The following ABCB11 variants were observed in gnomAD, a reference collection of about 807,000 sequenced individuals.
ABCB11 encodes bile salt export pump.
ABCB11 carries 95 observed loss-of-function variants against 148.0 expected under a neutral mutation model. That is an observed-to-expected ratio of 0.64 (90% CI 0.54 to 0.76). The LOEUF (loss-of-function observed/expected upper bound fraction) is 0.76. ABCB11 is among the 30% of genes least tolerant of loss of function. ABCB11 has a pLI of 0.00. For missense variants in ABCB11, 1,523 were observed against 1,617.8 expected (o/e 0.94, Z 1.01); for synonymous variants, 591 against 555.4 (o/e 1.06, Z -0.90).
intron 19 of ABCB11, among the ~76,000 whole-genome samples, chr2:168,953,731 G>A (rs1208335156): frequency 5.3e-5 from 8 of 151,570 alleles, no homozygotes; most frequent in Admixed American, 5.3e-4. Flanking sequence ...AAGCTAAAGA[G>A]AAAAGTCAAA....
intron 21 of ABCB11, among the ~76,000 whole-genome samples, chr2:168,941,360 T>G (rs949394888): frequency 3.3e-5 from 5 of 152,008 alleles, no homozygotes; most frequent in Admixed American, 1.3e-4. Context: ...GGTCAGAATA[T>G]CCACATAAAT....
chr2:168,983,212 A>C (rs1356553980), intron 10 of ABCB11, among the ~76,000 whole-genome samples: 1 of 152,184 alleles, frequency 6.6e-6, no homozygotes, highest in African/African-American at 2.4e-5. Flanking sequence ...CTCTCCTTGT[A>C]GGCATGGAAC....
chr2:168,986,270 A>G lies in ABCB11; in HGVS notation c.923T>C (p.Leu308Pro). 2 of 1,612,598 alleles carry G rather than the reference A, an allele frequency of 1.2e-6. No homozygotes were observed. Among genetic ancestry groups the G allele is most frequent in the East Asian group, 4.5e-5 (2 of 44,846 alleles). ...AATTCCCCAACGCTGGGCGAACACA[A>G]GATTTTTCTCATACCTGTGAAGACA... ...KREVERYEKN[L>P]VFAQRWGIRK... The change falls in exon 10 of 28, where the codon CTT (leucine) becomes CCT (proline). Residue 308 changes from leucine (L) to proline (P), a missense_variant. By Grantham distance (98) the Leu-to-Pro change is moderately conservative. Coordinates refer to ENST00000650372, the MANE Select transcript of ABCB11 (RefSeq NM_003742.4).
Position 168,924,802 on chromosome 2 carries a change from T to A in ABCB11, c.3620A>T (p.Lys1207Ile), listed in dbSNP as rs1243326116. 4.3e-6 allele frequency: 7 copies of A among 1,609,992 alleles called. No individual in the cohort carries two copies. Among genetic ancestry groups the A allele is most frequent in the Non-Finnish European group, 5.9e-6 (7 of 1,178,370 alleles). The change falls in exon 27 of 28, where the codon AAA becomes ATA. Residue 1207 changes from lysine to isoleucine, a missense_variant and splice_region_variant. Physicochemically the swap from Lys to Ile is moderately radical, Grantham distance 102 (BLOSUM62 -3). Transcript: ENST00000650372. ...LHDFVMSLPE[K>I]YETNVGSQGS... ...CTGGGACCCAACGTTAGTTTCATAT[T>A]TCTGAAAAAAAGTATGATAAGTTTG...
intron 5 of ABCB11, among the ~76,000 whole-genome samples, chr2:169,000,765 A>G (rs1694846590): frequency 6.6e-6 from 1 of 152,022 alleles, no homozygotes; most frequent in Admixed American, 6.6e-5. Flanking sequence ...CAGTTTTTTT[A>G]CATTTTCATA....
At chr2:168,990,210 T>G (rs893530606) in intron 9 of ABCB11, among the ~76,000 whole-genome samples, 1 of 152,102 alleles carries the variant, frequency 6.6e-6, no homozygotes, top group Non-Finnish European at 1.5e-5. Context: ...TCTGGTAAAA[T>G]TCAGCAATGA....
intron 21 of ABCB11, among the ~76,000 whole-genome samples, chr2:168,941,600 G>A (rs1692061156): frequency 6.6e-6 from 1 of 152,038 alleles, no homozygotes; most frequent in South Asian, 2.1e-4. Flanking sequence ...TCCACTCCTG[G>A]TGAAAATGCT....
intron 20 of ABCB11, 39 bp downstream of exon 20, chr2:168,944,818 A>G (rs1220535772): frequency 6.2e-7 from 1 of 1,608,624 alleles, no homozygotes; most frequent in Non-Finnish European, 8.5e-7. Flanking sequence ...AAAAAAGGAA[A>G]AATAACTAAA....
chr2:168,939,559 C>T (rs1409544702), intron 21 of ABCB11, among the ~76,000 whole-genome samples: 1 of 151,794 alleles, frequency 6.6e-6, no homozygotes, highest in Non-Finnish European at 1.5e-5. Context: ...TTATGAAGTC[C>T]AACATGTCTA....
At chr2:169,001,484 C>T (rs530380499) in intron 5 of ABCB11, among the ~76,000 whole-genome samples, 114 of 152,158 alleles carry the variant, frequency 7.5e-4, no homozygotes, top group African/African-American at 2.5e-3. Flanking sequence ...GGGAGAGGTG[C>T]CTTACTATAG....
At chr2:168,991,024 C>A in intron 8 of ABCB11, 99 bp from the exon 9 acceptor site, 1 of 1,367,182 alleles carries the variant, frequency 7.3e-7, no homozygotes, top group South Asian at 1.4e-5. Context: ...GGGTTTAATA[C>A]AATATTAGAT....
At chr2:168,996,114 A>G (rs532536112) in intron 6 of ABCB11, among the ~76,000 whole-genome samples, 1 of 151,990 alleles carries the variant, frequency 6.6e-6, no homozygotes, top group Non-Finnish European at 1.5e-5. Flanking sequence ...TTTTTCTACA[A>G]AAGAAGGCAA....
At chr2:168,985,134 CAT>C (rs753484160) in intron 10 of ABCB11, among the ~76,000 whole-genome samples, 2 of 151,330 alleles carry the variant, frequency 1.3e-5, no homozygotes, top group Non-Finnish European at 2.9e-5. Flanking sequence ...GGCCAACAAA[CAT>C]ATGAAAAAAA....
chr2:169,029,651 G>T (rs1695801738), intron 1 of ABCB11, among the ~76,000 whole-genome samples: 1 of 150,998 alleles, frequency 6.6e-6, no homozygotes, highest in Non-Finnish European at 1.5e-5. Flanking sequence ...AATTGCTTAG[G>T]AAGAAAACAG....
Position 168,930,939 on chromosome 2 carries a change from T to G in ABCB11, c.3214-77A>C, listed in dbSNP as rs1380778778. The G allele has an allele frequency of 1.8e-5, 23 of 1,311,050 alleles. No individual in the cohort carries two copies. The South Asian group carries it at 2.6e-4, about 15-fold the overall frequency. The allele number at this position is 1,311,050 out of a possible 1,614,324, so 81.2% of individuals were successfully genotyped here. A position where few individuals can be genotyped will look rare whatever the true frequency, so the allele number is the denominator to read the frequency against. ...TTGAAAACACACCTAAATCTTGAGT[T>G]TAAAATCCCTGCTTGAGATACCTTC... is the stretch of plus-strand genomic sequence containing the variant. On this transcript the variant is annotated intron_variant, in intron 24 of 27. Transcript: ENST00000650372.
intron 19 of ABCB11, among the ~76,000 whole-genome samples, chr2:168,956,615 G>A (rs916593655): frequency 5.9e-5 from 9 of 151,686 alleles, no homozygotes; most frequent in Middle Eastern, 3.4e-3. Context: ...CCTCCCGGGG[G>A]TGATGGGATT....
intron 11 of ABCB11, 86 bp from the exon 12 acceptor site, chr2:168,976,773 T>C: frequency 1.3e-6 from 1 of 786,912 alleles, no homozygotes; most frequent in Non-Finnish European, 2.2e-6. Context: ...ATAAACATCT[T>C]TGGCGTATCT....
At position 168,956,141 on chromosome 2, in the gene ABCB11, A is replaced by G. The variant is rs183241994; in HGVS notation, c.2343+1823T>C. On this transcript the variant is annotated intron_variant, in intron 19 of 27. Coordinates refer to ENST00000650372, the MANE Select transcript of ABCB11 (RefSeq NM_003742.4). ...CATGTCTTCACATGGCCAAACCAGG[A>G]GGAAGAGAGAGCGAAAGGGGAAGAC... Among the ~76,000 whole-genome samples, 4 of 151,798 alleles carry G rather than the reference A, an allele frequency of 2.6e-5. No homozygotes were observed. The East Asian group carries it at 7.8e-4, about 30-fold the overall frequency.
At chr2:168,965,249 A>G (rs1693249385) in intron 17 of ABCB11, among the ~76,000 whole-genome samples, 3 of 151,748 alleles carry the variant, frequency 2.0e-5, no homozygotes, top group Admixed American at 6.6e-5. Flanking sequence ...TGCTGAATAT[A>G]CTGAGTACAT....
Sources: allele counts gnomAD v4.1 joint callset (sites outside exome capture counted in the v4.1 genomes callset), GRCh38; gene constraint gnomAD v4.1.1; transcripts MANE v1.5; gene names NCBI Gene and HGNC (gene_info 2026-07-23, HGNC 2026-07-21).